Variants in DPPA2 observed in about 807,000 individuals in gnomAD.
The protein encoded by DPPA2 is developmental pluripotency-associated protein 2.
Under a neutral mutation model 36.2 loss-of-function variants are expected in DPPA2, and 26 were observed. That is an observed-to-expected ratio of 0.72 (90% CI 0.53 to 1.00). DPPA2 has a LOEUF of 1.00. Ranked by LOEUF, DPPA2 falls within the 50% of genes least tolerant of loss-of-function variation. The pLI is 0.00. For missense variants in DPPA2, 361 were observed against 365.1 expected (o/e 0.99, Z 0.09); for synonymous variants, 113 against 123.2 (o/e 0.92, Z 0.55).
intron 7 of DPPA2, among the ~76,000 whole-genome samples, chr3:109,300,985 C>CT (rs36123123): frequency 0.28 from 38,840 of 139,142 alleles, 5,643 homozygotes; most frequent in African/African-American, 0.36. Flanking sequence ...GATCTCACAT[C>CT]TTTTTTTTTT....
intron 5 of DPPA2, among the ~76,000 whole-genome samples, 181 bp downstream of exon 5, chr3:109,308,845 A>C (rs11921210): frequency 0.024 from 3,616 of 152,294 alleles, 155 homozygotes; most frequent in African/African-American, 0.083. Context: ...TGCAAAACAT[A>C]CTACAATGTA....
chr3:109,314,628 A>T, intron 1 of DPPA2, 73 bp from the exon 2 acceptor site: 1 of 1,427,164 alleles, frequency 7.0e-7, no homozygotes, highest in Non-Finnish European at 9.6e-7. Context: ...TCCTTTTATA[A>T]GCAAATGTTT....
intron 8 of DPPA2, among the ~76,000 whole-genome samples, chr3:109,299,686 CAAAAAAA>C (rs755862175): frequency 2.0e-5 from 1 of 50,420 alleles, no homozygotes; most frequent in Non-Finnish European, 3.9e-5. Context: ...GACCCCGTCT[CAAAAAAA>C]AAAAAAAGAA....
chr3:109,303,350 T>G (rs1051272345), intron 7 of DPPA2, among the ~76,000 whole-genome samples: 1 of 152,088 alleles, frequency 6.6e-6, no homozygotes, highest in Non-Finnish European at 1.5e-5. Context: ...TCTTCCCATA[T>G]ATTTTCATAG....
At chr3:109,300,058 A>C (rs997391295) in intron 8 of DPPA2, among the ~76,000 whole-genome samples, 1 of 152,250 alleles carries the variant, frequency 6.6e-6, no homozygotes, top group African/African-American at 2.4e-5. Flanking sequence ...TTTTCAAAAA[A>C]GAGTCCATTA....
intron 7 of DPPA2, among the ~76,000 whole-genome samples, chr3:109,302,754 C>CAAA (rs71629389): frequency 4.3e-5 from 4 of 94,032 alleles, no homozygotes; most frequent in African/African-American, 7.8e-5. Context: ...AGCCCACTTA[C>CAAA]AAAAAAAAAA....
intron 2 of DPPA2, among the ~76,000 whole-genome samples, chr3:109,312,900 A>T (rs868422832): frequency 3.7e-4 from 56 of 152,340 alleles, no homozygotes; most frequent in Middle Eastern, 3.4e-3. Context: ...GCCAATTTAC[A>T]TGTAGGTGTT....
intron 6 of DPPA2, among the ~76,000 whole-genome samples, chr3:109,305,382 G>A (rs1707538417): frequency 6.6e-6 from 1 of 152,120 alleles, no homozygotes; most frequent in African/African-American, 2.4e-5. Flanking sequence ...TCAGAGCCAA[G>A]TCATGGATCC....
chr3:109,300,502 C>A lies in DPPA2; in HGVS notation c.855-67G>T, dbSNP rs1707438544. On this transcript the variant is annotated intron_variant, in intron 7 of 8. Transcript: ENST00000478945. ...CAAGGTAAACCATCCCTTACCAATCCCTTTAAAATGACCAATAAAATAAAG... is the reference window on the plus strand; with the variant it reads ...CAAGGTAAACCATCCCTTACCAATCACTTTAAAATGACCAATAAAATAAAG... 6 of 1,476,824 alleles carry A rather than the reference C, an allele frequency of 4.1e-6. No individual in the cohort carries two copies. In the Admixed American group the frequency reaches 1.0e-4, roughly 25 times the overall value. 91.5% of individuals were successfully genotyped at this position (1,476,824 alleles called of 1,614,324 possible). A position where few individuals can be genotyped will look rare whatever the true frequency, so the allele number is the denominator to read the frequency against.
intron 7 of DPPA2, among the ~76,000 whole-genome samples, chr3:109,302,865 T>TTCTATAG (rs1707480867): frequency 6.6e-6 from 1 of 152,022 alleles, no homozygotes; most frequent in Non-Finnish European, 1.5e-5. Context: ...ACATCGGGAA[T>TTCTATAG]TCTATAGTCT....
At chr3:109,300,282 G>C in intron 8 of DPPA2, 89 bp downstream of exon 8, 1 of 1,041,382 alleles carries the variant, frequency 9.6e-7, no homozygotes, top group South Asian at 1.4e-5. Flanking sequence ...TAGGGGGAAG[G>C]CAGAGAGTTT....
chr3:109,307,172 T>A (rs2107313362), intron 6 of DPPA2, among the ~76,000 whole-genome samples: 1 of 151,992 alleles, frequency 6.6e-6, no homozygotes, highest in Non-Finnish European at 1.5e-5. Flanking sequence ...TTTCACCATG[T>A]TACCCAGGCT....
At chr3:109,298,770 T>C (rs970845049) in intron 8 of DPPA2, among the ~76,000 whole-genome samples, 4 of 151,586 alleles carry the variant, frequency 2.6e-5, no homozygotes, top group African/African-American at 9.7e-5. Flanking sequence ...GGCTCACGCC[T>C]GTAATCCCTG....
At chr3:109,310,783 C>T (rs1707695047) in intron 3 of DPPA2, among the ~76,000 whole-genome samples, 1 of 151,024 alleles carries the variant, frequency 6.6e-6, no homozygotes, top group Admixed American at 6.6e-5. Flanking sequence ...GGATTACAGG[C>T]ATGAGCCACC....
At chr3:109,301,790 C>T (rs1272754266) in intron 7 of DPPA2, among the ~76,000 whole-genome samples, 1 of 152,116 alleles carries the variant, frequency 6.6e-6, no homozygotes, top group Non-Finnish European at 1.5e-5. Flanking sequence ...AGGAACCTCC[C>T]TTGAGGTTAC....
intron 3 of DPPA2, among the ~76,000 whole-genome samples, chr3:109,310,726 G>T (rs909561603): frequency 6.6e-6 from 1 of 151,854 alleles, no homozygotes; most frequent in Non-Finnish European, 1.5e-5. Context: ...GGCTGGTCTC[G>T]AACGCCTGAC....
chr3:109,303,574 G>A (rs571003794), intron 7 of DPPA2, among the ~76,000 whole-genome samples: 57 of 151,728 alleles, frequency 3.8e-4, no homozygotes, highest in Non-Finnish European at 6.6e-4. Flanking sequence ...TCTCCATATT[G>A]GTCAGGCTGG....
Position 109,304,659 on chromosome 3 carries a change from A to G in DPPA2, c.670T>C (p.Cys224Arg). The G allele has an allele frequency of 6.3e-7, 1 of 1,595,728 alleles. No homozygotes were observed. The highest frequency in any genetic ancestry group is 8.5e-7 in the Non-Finnish European group (1 of 1,172,396). ...FLMQASGVRW[C>R]VVHGRLLSAD... ...GAGAGAAGTCTGCCATGGACCACACACCACCTGACGCCTGGAAAGGAAAAA... is the reference window on the plus strand; with the variant it reads ...GAGAGAAGTCTGCCATGGACCACACGCCACCTGACGCCTGGAAAGGAAAAA... The change falls in exon 7 of 9, where the codon TGT becomes CGT. Residue 224 changes from cysteine to arginine, a missense_variant. Cys to Arg is a radical substitution (Grantham distance 180). Coordinates refer to ENST00000478945, the MANE Select transcript of DPPA2 (RefSeq NM_138815.4).
chr3:109,316,034 T>C (rs1296995853), intron 1 of DPPA2, among the ~76,000 whole-genome samples: 1 of 152,122 alleles, frequency 6.6e-6, no homozygotes. Context: ...GGCTGAGGAA[T>C]CTGTGCTTCC....
Sources: allele counts gnomAD v4.1 joint callset (sites outside exome capture counted in the v4.1 genomes callset), GRCh38; gene constraint gnomAD v4.1.1; transcripts MANE v1.5; gene names NCBI Gene and HGNC (gene_info 2026-07-23, HGNC 2026-07-21).